ABCA10: variants seen among roughly 807,000 people sequenced by gnomAD.
The protein encoded by ABCA10 is ATP binding cassette subfamily A member 10, also known as ATP-binding cassette sub-family A member 10.
Under a neutral mutation model 187.5 loss-of-function variants are expected in ABCA10, and 169 were observed. That is an observed-to-expected ratio of 0.90 (90% confidence interval 0.80 to 1.02). ABCA10 has a LOEUF of 1.02. Ranked by LOEUF, ABCA10 falls within the 50% of genes least tolerant of loss-of-function variation. ABCA10 has a pLI of 0.00. For synonymous variants in ABCA10, 574 were observed against 601.8 expected (o/e 0.95, Z 0.68); for missense variants, 1,727 against 1,812.4 (o/e 0.95, Z 0.86).
chr17:69,226,887 G>C (rs1456995031), intron 2 of ABCA10, among the ~76,000 whole-genome samples: 1 of 151,720 alleles, frequency 6.6e-6, no homozygotes, highest in Non-Finnish European at 1.5e-5. Context: ...AAAATGGCTG[G>C]TTCTATTCTG....
At chr17:69,177,969 A>ATATATATATATATATATATATGTT (rs1293769286) in intron 22 of ABCA10, among the ~76,000 whole-genome samples, 42 of 54,964 alleles carry the variant, frequency 7.6e-4, no homozygotes, top group Non-Finnish European at 1.8e-3. Flanking sequence ...AAAAAAAAAA[A>ATATATATATATATATATATATGTT]AAAAATATAT....
chr17:69,179,416 G>A (rs1233083334), intron 22 of ABCA10, among the ~76,000 whole-genome samples: 2 of 152,096 alleles, frequency 1.3e-5, no homozygotes, highest in African/African-American at 2.4e-5. Flanking sequence ...GGTCCCTCTG[G>A]GGCCCACTGG....
intron 9 of ABCA10, among the ~76,000 whole-genome samples, chr17:69,209,255 T>C (rs995202353): frequency 6.6e-6 from 1 of 152,242 alleles, no homozygotes; most frequent in African/African-American, 2.4e-5. Flanking sequence ...CATGTTAAGA[T>C]AATTTTATGT....
chr17:69,156,033 C>T, intron 28 of ABCA10, 108 bp from the exon 29 acceptor site: 4 of 1,272,080 alleles, frequency 3.1e-6, no homozygotes, highest in East Asian at 2.7e-5. Flanking sequence ...AAGACTATCA[C>T]ATCATTAATT....
chr17:69,156,786 C>T (rs1310584319), intron 28 of ABCA10, 46 bp downstream of exon 28: 3 of 1,146,704 alleles, frequency 2.6e-6, no homozygotes, highest in Non-Finnish European at 3.5e-6. Flanking sequence ...TTTAAAAAGA[C>T]TAAATATTTA....
chr17:69,167,699 T>C (rs754867082), intron 25 of ABCA10, among the ~76,000 whole-genome samples: 1 of 152,066 alleles, frequency 6.6e-6, no homozygotes, highest in East Asian at 1.9e-4. Flanking sequence ...AGAAAAAGAA[T>C]TGACATTAGA....
chr17:69,159,388 A>G (rs2074198253), intron 27 of ABCA10, among the ~76,000 whole-genome samples: 1 of 152,118 alleles, frequency 6.6e-6, no homozygotes, highest in Non-Finnish European at 1.5e-5. Flanking sequence ...TTTTTTTAAG[A>G]AATGATGGCC....
rs574108256 is a variant in ABCA10 at position 69,226,020 on chromosome 17, G to A, written c.-171-491C>T. 1.4e-4 allele frequency among the ~76,000 whole-genome samples: 21 copies of A among 152,178 alleles called. No individual in the cohort carries two copies. In the South Asian group the frequency reaches 4.4e-3, roughly 32 times the overall value. Reference sequence around the variant, plus strand: ...AACTAGTTTTGTCTCATTGGTTCCTGAACAAATCAACCTTAAAAGACATTT... The same window carrying A: ...AACTAGTTTTGTCTCATTGGTTCCTAAACAAATCAACCTTAAAAGACATTT... On this transcript the variant is annotated intron_variant, in intron 2 of 38. Coordinates refer to ENST00000690296, the MANE Select transcript of ABCA10 (RefSeq NM_001377321.1).
intron 16 of ABCA10, 93 bp downstream of exon 16, chr17:69,192,470 A>T: frequency 1.8e-6 from 2 of 1,083,628 alleles, no homozygotes; most frequent in Non-Finnish European, 2.7e-6. Context: ...ACCAGAAGTT[A>T]AGTTGCCTTT....
rs985569097 is a variant in ABCA10, at chr17:69,222,701, C to T, written c.35-4G>A. ...GGTGTCCCAATGACTGTTCTTCCTA[C>T]CATGTATGAAAAACATAAATAAATA... On this transcript the variant is annotated splice_polypyrimidine_tract_variant and splice_region_variant and intron_variant, in intron 3 of 38. Coordinates refer to ENST00000690296, the MANE Select transcript of ABCA10 (RefSeq NM_001377321.1). 2 of 1,551,560 alleles carry T rather than the reference C, an allele frequency of 1.3e-6. No homozygotes were observed. Among genetic ancestry groups the T allele is most frequent in the Admixed American group, 2.3e-5 (1 of 43,016 alleles).
At chr17:69,185,382 G>T in intron 20 of ABCA10, 95 bp downstream of exon 20, 1 of 1,280,940 alleles carries the variant, frequency 7.8e-7, no homozygotes, top group Non-Finnish European at 1.0e-6. Flanking sequence ...AAGCTGGATA[G>T]ACACCATTTT....
At position 69,193,476 on chromosome 17, in the gene ABCA10, T is replaced by A. The variant is rs756001624; in HGVS notation, c.1641+17A>T. On this transcript the variant is annotated intron_variant, in intron 14 of 38. Coordinates refer to ENST00000690296, the MANE Select transcript of ABCA10 (RefSeq NM_001377321.1). The stretch of plus-strand genomic sequence containing the variant: ...CTTCAATCTAAATTAATTGTAAAAA[T>A]ATATTTTTTCTCTCACCTGAGGATC... The A allele has an allele frequency of 1.7e-5, 28 of 1,601,354 alleles. 1 individual carries two copies. The Admixed American group carries it at 1.9e-4, about 11-fold the overall frequency.
chr17:69,234,954 T>G (rs2074857051), intron 1 of ABCA10: 1 of 152,240 alleles, frequency 6.6e-6, no homozygotes, highest in Non-Finnish European at 1.5e-5. Context: ...CAGTGGGAAT[T>G]ATCAATTAAA....
At chr17:69,212,971 G>T (rs1342691935) in intron 9 of ABCA10, among the ~76,000 whole-genome samples, 2 of 152,200 alleles carry the variant, frequency 1.3e-5, no homozygotes, top group Non-Finnish European at 2.9e-5. Flanking sequence ...GAGATGTGAG[G>T]TACTATGCTA....
At chr17:69,185,788 G>C in intron 19 of ABCA10, 145 bp from the exon 20 acceptor site, 2 of 564,028 alleles carry the variant, frequency 3.5e-6, no homozygotes, top group Non-Finnish European at 5.9e-6. Context: ...TACAGTGACA[G>C]TAATCTGAAA....
At chr17:69,195,788 T>A (rs1329248852) in intron 11 of ABCA10, among the ~76,000 whole-genome samples, 1 of 151,892 alleles carries the variant, frequency 6.6e-6, no homozygotes, top group East Asian at 1.9e-4. Context: ...CCTTCAAGCA[T>A]CTGTTTAACA....
chr17:69,231,253 TATGTGC>T (rs2074830023), upstream of ABCA10, among the ~76,000 whole-genome samples: 1 of 152,158 alleles, frequency 6.6e-6, no homozygotes, highest in South Asian at 2.1e-4. Flanking sequence ...TTCTCTCTTC[TATGTGC>T]CTGTGTCTTC....
chr17:69,229,574 C>G (rs1322905655), upstream of ABCA10, among the ~76,000 whole-genome samples: 1 of 151,832 alleles, frequency 6.6e-6, no homozygotes, highest in African/African-American at 2.4e-5. Flanking sequence ...CATACAGAAG[C>G]TAATGCCCAT....
chr17:69,213,635 C>A (rs1365212885), intron 9 of ABCA10, among the ~76,000 whole-genome samples: 2 of 152,158 alleles, frequency 1.3e-5, no homozygotes, highest in African/African-American at 4.8e-5. Context: ...AGATCTTGCC[C>A]CAGGCTATAA....
Sources: gnomAD v4.1 joint callset for allele counts (sites outside exome capture counted in the v4.1 genomes callset) on GRCh38, gnomAD v4.1.1 for gene constraint, MANE v1.5 for transcripts, NCBI Gene and HGNC (gene_info 2026-07-23, HGNC 2026-07-21) for gene names.